Variants in SASH1 observed in about 807,000 individuals in gnomAD.
SASH1 encodes SAM and SH3 domain-containing protein 1.
A neutral mutation model predicts 125.2 loss-of-function variants in SASH1; 44 were observed. That is an observed-to-expected ratio of 0.35 (90% CI 0.28 to 0.45). The LOEUF (loss-of-function observed/expected upper bound fraction) is 0.45, where lower values mean the gene tolerates loss of function less well. SASH1 is among the 20% of genes least tolerant of loss of function. The pLI is 1.00. For missense variants in SASH1, 1,426 were observed against 1,614.5 expected (o/e 0.88, Z 2.00); for synonymous variants, 639 against 649.1 (o/e 0.98, Z 0.24).
rs375907472 is a variant in SASH1, at chr6:148,494,362, G to A, written c.729+6647G>A. Among the ~76,000 whole-genome samples the A allele has an allele frequency of 5.3e-5, 8 of 152,308 alleles. No homozygotes were observed. The East Asian group carries it at 1.3e-3, about 26-fold the overall frequency. The stretch of plus-strand genomic sequence containing the variant: ...AGCAAAATGTGTTCCAGGAAAAGCT[G>A]GAATTGTGTTTCTGTAGCTGGAGTT... On this transcript the variant is annotated intron_variant, in intron 8 of 19. Transcript: ENST00000367467.
At chr6:148,234,081 A>C in the SASH1 span, among the ~76,000 whole-genome samples, 2 of 151,646 alleles carry the variant, frequency 1.3e-5, no homozygotes, top group Middle Eastern at 3.4e-3. Flanking sequence ...TCTGTAGCCC[A>C]GGCTGGAGTG....
intron 1 of SASH1, among the ~76,000 whole-genome samples, chr6:148,317,568 G>C (rs1186080977): frequency 6.6e-6 from 1 of 152,164 alleles, no homozygotes; most frequent in African/African-American, 2.4e-5. Context: ...GGGATTACAG[G>C]CATGTGCCAC....
At chr6:148,386,181 T>G (rs1245590917) in intron 1 of SASH1, among the ~76,000 whole-genome samples, 1 of 152,204 alleles carries the variant, frequency 6.6e-6, no homozygotes, top group Non-Finnish European at 1.5e-5. Flanking sequence ...TGCCCAACCA[T>G]GTCTGGTGTC....
At chr6:148,209,113 T>C in the SASH1 span, among the ~76,000 whole-genome samples, 1 of 152,244 alleles carries the variant, frequency 6.6e-6, no homozygotes, top group Non-Finnish European at 1.5e-5. Context: ...TTGATACACA[T>C]GCATATTTCC....
intron 2 of SASH1, among the ~76,000 whole-genome samples, chr6:148,438,749 A>G (rs1336884680): frequency 8.8e-6 from 1 of 113,602 alleles, no homozygotes; most frequent in Non-Finnish European, 1.8e-5. Flanking sequence ...AAAAAAAACC[A>G]AAACAAACAA....
intron 8 of SASH1, among the ~76,000 whole-genome samples, chr6:148,511,187 C>T (rs1427478148): frequency 5.3e-5 from 8 of 151,338 alleles, no homozygotes; most frequent in Admixed American, 4.0e-4. Context: ...TATTTCACAA[C>T]GCTTTTTTCC....
chr6:148,365,282 T>G (rs971014232), intron 1 of SASH1, among the ~76,000 whole-genome samples: 1 of 152,240 alleles, frequency 6.6e-6, no homozygotes, highest in African/African-American at 2.4e-5. Context: ...CTGTTGACAT[T>G]GCAAAATCAG....
At chr6:148,384,222 A>C (rs1285406359) in intron 1 of SASH1, among the ~76,000 whole-genome samples, 1 of 152,204 alleles carries the variant, frequency 6.6e-6, no homozygotes, top group Non-Finnish European at 1.5e-5. Flanking sequence ...TTCTCAAAAA[A>C]TTATTTTGAG....
chr6:148,208,099 G>C, the SASH1 span, among the ~76,000 whole-genome samples: 2 of 152,082 alleles, frequency 1.3e-5, no homozygotes, highest in Admixed American at 1.3e-4. Context: ...CTGAGCCCCC[G>C]TTTGGTGTGG....
At chr6:148,233,977 G>C in the SASH1 span, among the ~76,000 whole-genome samples, 4 of 151,558 alleles carry the variant, frequency 2.6e-5, no homozygotes, top group African/African-American at 9.7e-5. Context: ...AAAAATACTA[G>C]AAAAAGAGAG....
intron 10 of SASH1, among the ~76,000 whole-genome samples, chr6:148,522,710 A>C (rs1780894597): frequency 6.6e-6 from 1 of 152,168 alleles, no homozygotes; most frequent in Admixed American, 6.5e-5. Flanking sequence ...CATCTATCTA[A>C]AGTGTTTTTA....
At chr6:148,490,059 CAAA>C (rs200419546) in intron 8 of SASH1, among the ~76,000 whole-genome samples, 11,094 of 119,772 alleles carry the variant, frequency 0.093, 556 homozygotes, top group Non-Finnish European at 0.13. Context: ...ATGTCTTCTG[CAAA>C]AAATAATAAT....
intron 1 of SASH1, among the ~76,000 whole-genome samples, chr6:148,299,267 C>T (rs543576481): frequency 1.6e-4 from 24 of 151,770 alleles, no homozygotes; most frequent in African/African-American, 2.4e-4. Context: ...AATAGGGGAG[C>T]GGACACTCTA....
chr6:148,346,354 T>G (rs988995583), intron 1 of SASH1, among the ~76,000 whole-genome samples: 1 of 152,180 alleles, frequency 6.6e-6, no homozygotes, highest in African/African-American at 2.4e-5. Context: ...CAGATAATTG[T>G]TAACAAAGTG....
At chr6:148,270,971 A>T (rs559444648), upstream of SASH1, among the ~76,000 whole-genome samples, 1 of 144,016 alleles carries the variant, frequency 6.9e-6, no homozygotes, top group South Asian at 2.2e-4. Context: ...GTGCAGCGGC[A>T]CGATCTTGGC....
intron 4 of SASH1, among the ~76,000 whole-genome samples, chr6:148,460,058 C>G (rs1308301337): frequency 6.6e-6 from 1 of 152,100 alleles, no homozygotes; most frequent in Non-Finnish European, 1.5e-5. Flanking sequence ...CTACCACAGA[C>G]AGAACAAAAG....
chr6:148,535,853 A>G (rs1254492615), intron 16 of SASH1, among the ~76,000 whole-genome samples: 2 of 152,220 alleles, frequency 1.3e-5, no homozygotes, highest in Non-Finnish European at 1.5e-5. Flanking sequence ...TTCTGTTGCT[A>G]AAAGACACAC....
chr6:148,509,507 A>C (rs1189017259), intron 8 of SASH1, among the ~76,000 whole-genome samples: 3 of 152,226 alleles, frequency 2.0e-5, no homozygotes, highest in Non-Finnish European at 4.4e-5. Flanking sequence ...TGCAGAGGGC[A>C]CAGTTGTAAT....
intron 1 of SASH1, among the ~76,000 whole-genome samples, chr6:148,333,066 T>A (rs1201809002): frequency 1.3e-5 from 2 of 152,172 alleles, no homozygotes; most frequent in Middle Eastern, 3.4e-3. Flanking sequence ...TTTTAAAACT[T>A]CACATTTCCT....
Sources: allele counts gnomAD v4.1 joint callset (sites outside exome capture counted in the v4.1 genomes callset), GRCh38; gene constraint gnomAD v4.1.1; transcripts MANE v1.5; gene names NCBI Gene and HGNC (gene_info 2026-07-23, HGNC 2026-07-21).